The following PKD1L1 variants were observed in gnomAD, a reference collection of about 807,000 sequenced individuals.
PKD1L1 encodes polycystin 1 like 1, transient receptor potential channel interacting.
Under a neutral mutation model 323.4 loss-of-function variants are expected in PKD1L1, and 236 were observed. That is an observed-to-expected ratio of 0.73 (90% CI 0.66 to 0.81). The LOEUF (loss-of-function observed/expected upper bound fraction) is 0.81. Among genes scored for constraint, PKD1L1 ranks in the 40% least tolerant of loss-of-function variants. PKD1L1 has a pLI of 0.00. For synonymous variants in PKD1L1, 1,344 were observed against 1,335.0 expected (o/e 1.01, Z -0.15); for missense variants, 3,320 against 3,508.0 (o/e 0.95, Z 1.35).
intron 20 of PKD1L1, 58 bp downstream of exon 20, chr7:47,881,851 G>C (rs528604168): frequency 4.1e-6 from 6 of 1,475,378 alleles, no homozygotes; most frequent in East Asian, 4.7e-5. Flanking sequence ...ATTGAGGGCT[G>C]ATATCTAAAA....
chr7:47,892,963 G>A (rs1786854251), intron 15 of PKD1L1, among the ~76,000 whole-genome samples: 1 of 152,182 alleles, frequency 6.6e-6, no homozygotes, highest in South Asian at 2.1e-4. Context: ...GGGCCTGATG[G>A]CTCACGCCTG....
chr7:47,853,603 C>T (rs1212267829), intron 30 of PKD1L1, among the ~76,000 whole-genome samples: 2 of 151,800 alleles, frequency 1.3e-5, no homozygotes, highest in Non-Finnish European at 2.9e-5. Context: ...ATCAGCTGGG[C>T]GTGGTGATGC....
intron 7 of PKD1L1, among the ~76,000 whole-genome samples, chr7:47,922,519 C>T (rs897200348): frequency 4.6e-5 from 7 of 151,596 alleles, no homozygotes; most frequent in East Asian, 3.9e-4. Context: ...ACCTCTGCCC[C>T]GCCGCCCCGT....
intron 7 of PKD1L1, among the ~76,000 whole-genome samples, chr7:47,927,247 T>C (rs1050943133): frequency 2.7e-5 from 4 of 150,220 alleles, no homozygotes; most frequent in Admixed American, 6.6e-5. Context: ...AAAACACAAA[T>C]AACAAATTGA....
intron 7 of PKD1L1, among the ~76,000 whole-genome samples, chr7:47,926,978 G>A (rs1787667028): frequency 6.6e-6 from 1 of 152,168 alleles, no homozygotes; most frequent in Non-Finnish European, 1.5e-5. Context: ...TGGCCATTCA[G>A]GAAACAGTCA....
intron 21 of PKD1L1, among the ~76,000 whole-genome samples, 158 bp from the exon 22 acceptor site, chr7:47,877,789 T>C (rs537576207): frequency 5.5e-4 from 83 of 152,128 alleles, no homozygotes; most frequent in Middle Eastern, 3.4e-3. Flanking sequence ...GAAATGAAGA[T>C]TCTGGAGCCC....
intron 14 of PKD1L1, among the ~76,000 whole-genome samples, chr7:47,895,854 T>C (rs1166497970): frequency 2.0e-5 from 3 of 152,142 alleles, no homozygotes; most frequent in Non-Finnish European, 4.4e-5. Flanking sequence ...AGTTGATGTT[T>C]GGTGGTTGTA....
chr7:47,878,493 C>T (rs1282991322), intron 21 of PKD1L1, among the ~76,000 whole-genome samples: 1 of 152,200 alleles, frequency 6.6e-6, no homozygotes, highest in Non-Finnish European at 1.5e-5. Context: ...TGAGCCTCTG[C>T]TACACACCAG....
At chr7:47,784,173 A>G (rs1481493229) in intron 56 of PKD1L1, among the ~76,000 whole-genome samples, 1 of 152,210 alleles carries the variant, frequency 6.6e-6, no homozygotes, top group East Asian at 1.9e-4. Context: ...TTGTGAAGTC[A>G]TCCCGGGAAG....
chr7:47,840,388 A>G lies in PKD1L1; in HGVS notation c.5552+73T>C. ...AATGTTATGTATTCTACTGTTTTGTATTTGTGATAAGGTTACACCAATTCT... is the reference window on the plus strand; with the variant it reads ...AATGTTATGTATTCTACTGTTTTGTGTTTGTGATAAGGTTACACCAATTCT... On this transcript the variant is annotated intron_variant, in intron 35 of 56. Transcript: ENST00000289672. This position sits in a 1 kb window ranked among gnomAD's most constrained non-coding sequence, Gnocchi z 4.1. 1 of 1,071,922 alleles carries G rather than the reference A, an allele frequency of 9.3e-7. No homozygotes were observed. 66.4% of individuals were successfully genotyped at this position (1,071,922 alleles called of 1,614,324 possible). A position where few individuals can be genotyped will look rare whatever the true frequency, so the allele number is the denominator to read the frequency against.
chr7:47,858,916 G>T lies in PKD1L1; in HGVS notation c.4150-31C>A, dbSNP rs535392406. 1.1e-5 allele frequency: 18 copies of T among 1,600,396 alleles called. No homozygotes were observed. The African/African-American group carries it at 2.0e-4, about 18-fold the overall frequency. On this transcript the variant is annotated intron_variant, in intron 26 of 56. Transcript: ENST00000289672. ...TGAACAGAAAAGATGTAAATAAAATGCCTGGCCTTGAGCAAGGAGTGCCCG... is the reference window on the plus strand; with the variant it reads ...TGAACAGAAAAGATGTAAATAAAATTCCTGGCCTTGAGCAAGGAGTGCCCG...
At chr7:47,826,997 G>A (rs1483958812) in intron 45 of PKD1L1, among the ~76,000 whole-genome samples, 1 of 152,214 alleles carries the variant, frequency 6.6e-6, no homozygotes, top group African/African-American at 2.4e-5. Flanking sequence ...CAGACCATGT[G>A]CTAAGCACAC....
chr7:47,915,828 C>CA (rs1364381331), intron 7 of PKD1L1, among the ~76,000 whole-genome samples: 3 of 151,522 alleles, frequency 2.0e-5, no homozygotes, highest in African/African-American at 4.8e-5. Context: ...CATCTCTATG[C>CA]AAAAAAATGT....
chr7:47,924,896 C>A (rs2128754362), intron 7 of PKD1L1, among the ~76,000 whole-genome samples: 1 of 152,298 alleles, frequency 6.6e-6, no homozygotes, highest in Non-Finnish European at 1.5e-5. Flanking sequence ...CTGGCAGTAT[C>A]AGCCATTGTA....
Position 47,890,937 on chromosome 7 carries a change from C to A in PKD1L1, c.2454-174G>T, listed in dbSNP as rs909062. Among the ~76,000 whole-genome samples, 13,268 of 152,178 alleles carry A rather than the reference C, an allele frequency of 0.087. 1,353 individuals carry two copies. Among genetic ancestry groups the A allele is most frequent in the African/African-American group, 0.25 (10,427 of 41,464 alleles). On this transcript the variant is annotated intron_variant, in intron 15 of 56. Transcript: ENST00000289672. ...ACTGAAGTGGGAGGTTGCAAAAGTG[C>A]AGCAGCACCACCACCTGGGGTGGGC... is the stretch of plus-strand genomic sequence containing the variant.
rs1348438744 is a variant in PKD1L1 at position 47,821,086 on chromosome 7, C to A, written c.6955G>T (p.Glu2319Ter). Reference sequence around the variant, plus strand: ...ACCCAAACCTCCTACCTTGTAAATTCTTTCCGGATAGCTTGATTGAGGGAG... The same window carrying A: ...ACCCAAACCTCCTACCTTGTAAATTATTTCCGGATAGCTTGATTGAGGGAG... ...EYSLNQAIRKEFTRNARNCLG... is the reference protein window; with the variant it reads ...EYSLNQAIRK The change falls in exon 46 of 57, where the codon GAA becomes TAA. Residue 2319 changes from glutamate (E) to a stop codon, truncating the protein, a stop_gained. Coordinates refer to ENST00000289672, the MANE Select transcript of PKD1L1 (RefSeq NM_138295.5). LOFTEE classifies it high-confidence loss of function. 1 of 1,586,278 alleles carries A rather than the reference C, an allele frequency of 6.3e-7. No individual in the cohort carries two copies. The highest frequency in any genetic ancestry group is 8.7e-7 in the Non-Finnish European group (1 of 1,154,714).
intron 44 of PKD1L1, 103 bp from the exon 45 acceptor site, chr7:47,827,571 C>T: frequency 1.1e-6 from 1 of 943,764 alleles, no homozygotes; most frequent in East Asian, 2.6e-5. Flanking sequence ...CTGTGCTGTG[C>T]CTTCAGCCTG....
chr7:47,795,518 T>C (rs2348459), intron 55 of PKD1L1: 258,879 of 365,380 alleles, frequency 0.71, 92,468 homozygotes, highest in Non-Finnish European at 0.75. Context: ...CAAACTAATA[T>C]ATCAGCCATG....
intron 7 of PKD1L1, among the ~76,000 whole-genome samples, chr7:47,916,780 G>A (rs889248275): frequency 6.6e-6 from 1 of 152,196 alleles, no homozygotes; most frequent in Non-Finnish European, 1.5e-5. Context: ...AAAAGGGGAT[G>A]AGTACTACAT....
Sources: gnomAD v4.1 joint callset for allele counts (sites outside exome capture counted in the v4.1 genomes callset) on GRCh38, gnomAD v4.1.1 for gene constraint, Gnocchi (gnomAD v3.1) non-coding constraint, MANE v1.5 for transcripts, NCBI Gene and HGNC (gene_info 2026-07-23, HGNC 2026-07-21) for gene names.